Variants in FGF14 observed in about 807,000 individuals in gnomAD.
The protein encoded by FGF14 is fibroblast growth factor homologous factor 4.
In FGF14, 5 loss-of-function variants were observed where a neutral mutation model predicts 25.5. The observed-to-expected ratio is 0.20, with a 90% CI of 0.10 to 0.41. FGF14 has a LOEUF of 0.41. Ranked by LOEUF, FGF14 falls within the 10% of genes least tolerant of loss-of-function variation. The probability of loss-of-function intolerance (pLI) is 1.00; values close to 1 mark genes in which losing one functional copy is unlikely to be tolerated. For missense variants in FGF14, 222 were observed against 320.1 expected, an observed-to-expected ratio of 0.69 and a Z score of 2.34; for synonymous variants, 138 against 118.3, an observed-to-expected ratio of 1.17 and a Z score of -1.08.
chr13:102,390,169 G>A (rs1327643836), intron 1 of FGF14, among the ~76,000 whole-genome samples: 3 of 152,074 alleles, frequency 2.0e-5, no homozygotes, highest in Non-Finnish European at 2.9e-5. Context: ...TCAGAATGGC[G>A]GTTGCTTCTC....
intron 1 of FGF14, among the ~76,000 whole-genome samples, chr13:102,231,530 G>A (rs1361847070): frequency 1.3e-5 from 2 of 152,194 alleles, no homozygotes; most frequent in East Asian, 3.8e-4. Context: ...CACAATTCTT[G>A]AGATTTATAA....
At chr13:101,799,920 T>C (rs979971148) in intron 3 of FGF14, among the ~76,000 whole-genome samples, 5 of 152,128 alleles carry the variant, frequency 3.3e-5, no homozygotes, top group African/African-American at 1.2e-4. Context: ...TGATAACATG[T>C]ATAGAAGATT....
intron 1 of FGF14, among the ~76,000 whole-genome samples, chr13:102,027,972 C>G (rs1250361424): frequency 6.6e-6 from 1 of 151,910 alleles, no homozygotes; most frequent in Non-Finnish European, 1.5e-5. Context: ...ATTCATCACC[C>G]TTTATTGGCA....
intron 1 of FGF14, among the ~76,000 whole-genome samples, chr13:102,232,417 T>C (rs1184469612): frequency 6.6e-6 from 1 of 152,186 alleles, no homozygotes; most frequent in East Asian, 1.9e-4. Context: ...TAGGCAAACA[T>C]TCAGTGACAA....
intron 1 of FGF14, among the ~76,000 whole-genome samples, chr13:101,990,753 C>T (rs754884186): frequency 4.6e-5 from 7 of 152,160 alleles, no homozygotes; most frequent in Non-Finnish European, 8.8e-5. Context: ...CCATTAGCTA[C>T]AAATAATATT....
intron 1 of FGF14, among the ~76,000 whole-genome samples, chr13:101,981,992 G>A (rs895673962): frequency 6.6e-6 from 1 of 152,154 alleles, no homozygotes; most frequent in Admixed American, 6.5e-5. Context: ...GAAAATAAAT[G>A]ATGTAGCCTA....
chr13:102,066,561 A>G (rs2042912090), intron 1 of FGF14, among the ~76,000 whole-genome samples: 1 of 152,220 alleles, frequency 6.6e-6, no homozygotes. Flanking sequence ...TACATATGTT[A>G]CTGGACCCAA....
At chr13:102,199,234 G>A (rs969229423) in intron 1 of FGF14, among the ~76,000 whole-genome samples, 5 of 152,162 alleles carry the variant, frequency 3.3e-5, no homozygotes, top group Admixed American at 3.3e-4. Flanking sequence ...TTAAAACAGT[G>A]TAAAGCCTTG....
At chr13:101,775,768 CT>C (rs2039067324) in intron 3 of FGF14, among the ~76,000 whole-genome samples, 1 of 152,094 alleles carries the variant, frequency 6.6e-6, no homozygotes, top group Admixed American at 6.6e-5. Flanking sequence ...TGTGTTCCCC[CT>C]GATGCCAGTG....
chr13:101,899,170 G>A (rs1025942372), intron 1 of FGF14, among the ~76,000 whole-genome samples: 5 of 151,062 alleles, frequency 3.3e-5, no homozygotes, highest in Non-Finnish European at 7.4e-5. Flanking sequence ...TCATACTACA[G>A]TAAACTGGAA....
chr13:101,865,887 G>A (rs976068235), intron 3 of FGF14, among the ~76,000 whole-genome samples: 1 of 151,942 alleles, frequency 6.6e-6, no homozygotes, highest in Admixed American at 6.6e-5. Context: ...TAAAAAATTA[G>A]GATAAACTTA....
chr13:102,229,914 C>A (rs1487480888), intron 1 of FGF14, among the ~76,000 whole-genome samples: 2 of 152,132 alleles, frequency 1.3e-5, no homozygotes, highest in Non-Finnish European at 2.9e-5. Context: ...ACTGAACAGC[C>A]TTCTGTTATT....
chr13:101,711,949 A>G lies in FGF14; in HGVS notation c.*10882T>C, dbSNP rs1475838895. 1 of 152,250 alleles carries G rather than the reference A, an allele frequency of 6.6e-6. No homozygotes were observed. Among genetic ancestry groups the G allele is most frequent in the Non-Finnish European group, 1.5e-5 (1 of 68,092 alleles). The allele number at this position is 152,250 out of a possible 1,614,324, so 9.4% of individuals were successfully genotyped here. On this transcript the variant is annotated 3_prime_UTR_variant, in exon 5 of 5. Coordinates refer to ENST00000376143, the MANE Select transcript of FGF14 (RefSeq NM_004115.4). Reference sequence around the variant, plus strand: ...TCAGGGGTGTGAGTGGGTCTTGGCCAGCTGAGTTGAACCATTTCTCACCTC... The same window carrying G: ...TCAGGGGTGTGAGTGGGTCTTGGCCGGCTGAGTTGAACCATTTCTCACCTC...
intron 3 of FGF14, among the ~76,000 whole-genome samples, chr13:101,837,262 CTAGT>C (rs1566958640): frequency 6.6e-6 from 1 of 151,864 alleles, no homozygotes; most frequent in East Asian, 1.9e-4. Context: ...TTAATATTCT[CTAGT>C]TATTTTCTCA....
intron 1 of FGF14, among the ~76,000 whole-genome samples, chr13:101,883,680 A>ACT (rs144109811): frequency 0.015 from 2,212 of 152,122 alleles, 20 homozygotes; most frequent in Middle Eastern, 0.027. Flanking sequence ...GCCAGAAACG[A>ACT]CTCTAAGTGC....
intron 1 of FGF14, among the ~76,000 whole-genome samples, chr13:102,077,754 C>T (rs1417475708): frequency 1.3e-5 from 2 of 152,136 alleles, no homozygotes; most frequent in African/African-American, 2.4e-5. Context: ...AAAAATAGAA[C>T]TATCACATGA....
At chr13:102,086,886 TAG>T (rs1387204512) in intron 1 of FGF14, among the ~76,000 whole-genome samples, 1 of 152,146 alleles carries the variant, frequency 6.6e-6, no homozygotes, top group Non-Finnish European at 1.5e-5. Context: ...CAGGATTACG[TAG>T]AGTGAGTAAA....
At position 102,123,905 on chromosome 13, in the gene FGF14, T is replaced by C. The variant is rs947130822; in HGVS notation, c.209-248609A>G. Among the ~76,000 whole-genome samples the C allele has an allele frequency of 3.3e-5, 5 of 152,300 alleles. No homozygotes were observed. In the South Asian group the frequency reaches 1.0e-3, roughly 32 times the overall value. ...AAACAGACACATAAATGATCGTAGT[T>C]AATGGAAATACTGCCATGCTTAAGA... On this transcript the variant is annotated intron_variant, in intron 1 of 4. Transcript: ENST00000376131.
At chr13:101,853,281 C>T (rs971980907) in intron 3 of FGF14, among the ~76,000 whole-genome samples, 22 of 152,036 alleles carry the variant, frequency 1.4e-4, no homozygotes, top group African/African-American at 5.3e-4. Flanking sequence ...AGTATCTGAC[C>T]TCATCACCCC....
Sources: gnomAD v4.1 joint callset for allele counts (sites outside exome capture counted in the v4.1 genomes callset) on GRCh38, gnomAD v4.1.1 for gene constraint, MANE v1.5 for transcripts, NCBI Gene and HGNC (gene_info 2026-07-23, HGNC 2026-07-21) for gene names.